The following SPMIP2 variants were observed in gnomAD, a reference collection of about 807,000 sequenced individuals.
SPMIP2 encodes protein SPMIP2.
the SPMIP2 span, among the ~76,000 whole-genome samples, chr4:158,967,533 A>G: frequency 2.0e-5 from 3 of 152,336 alleles, no homozygotes; most frequent in East Asian, 5.8e-4. Flanking sequence ...GACATGCCTA[A>G]TTTTAGAAAA....
At chr4:158,969,054 T>C in the SPMIP2 span, among the ~76,000 whole-genome samples, 1 of 152,190 alleles carries the variant, frequency 6.6e-6, no homozygotes, top group Non-Finnish European at 1.5e-5. Flanking sequence ...ATATTGGTTA[T>C]AATATGATTA....
chr4:158,936,302 G>A, the SPMIP2 span, among the ~76,000 whole-genome samples: 1 of 152,220 alleles, frequency 6.6e-6, no homozygotes, highest in Non-Finnish European at 1.5e-5. Context: ...CGCAGAAACA[G>A]TCATTCACTT....
the SPMIP2 span, among the ~76,000 whole-genome samples, chr4:158,939,474 T>C: frequency 3.3e-5 from 5 of 152,194 alleles, no homozygotes; most frequent in Admixed American, 3.3e-4. Context: ...TTAACATACA[T>C]TTCTCCTAAA....
chr4:159,039,991 G>A, the SPMIP2 span, among the ~76,000 whole-genome samples: 8 of 152,202 alleles, frequency 5.3e-5, no homozygotes, highest in Non-Finnish European at 7.4e-5. Context: ...GATGAACACA[G>A]GTCAGAATGT....
chr4:159,010,070 C>T, the SPMIP2 span, among the ~76,000 whole-genome samples: 5 of 152,282 alleles, frequency 3.3e-5, no homozygotes, highest in East Asian at 9.6e-4. Context: ...AGACCATGGG[C>T]AAAATCCCGG....
At chr4:159,016,913 A>T in the SPMIP2 span, among the ~76,000 whole-genome samples, 1 of 152,218 alleles carries the variant, frequency 6.6e-6, no homozygotes, top group Non-Finnish European at 1.5e-5. Flanking sequence ...TCCAAAGGAC[A>T]GTGAACATAA....
the SPMIP2 span, among the ~76,000 whole-genome samples, chr4:159,015,128 C>G: frequency 6.6e-6 from 1 of 152,224 alleles, no homozygotes; most frequent in African/African-American, 2.4e-5. Flanking sequence ...TTGACTGACT[C>G]TAAACTAGCA....
chr4:158,948,856 G>A, the SPMIP2 span, among the ~76,000 whole-genome samples: 1 of 151,918 alleles, frequency 6.6e-6, no homozygotes, highest in African/African-American at 2.4e-5. Flanking sequence ...CAACTGCCAT[G>A]GCTTCCCAAA....
the SPMIP2 span, among the ~76,000 whole-genome samples, chr4:158,985,572 A>G: frequency 3.3e-5 from 5 of 152,260 alleles, no homozygotes; most frequent in Non-Finnish European, 5.9e-5. Context: ...GGCCTTTGAA[A>G]AAATTCAACA....
chr4:158,996,045 C>T, the SPMIP2 span, among the ~76,000 whole-genome samples: 1 of 152,056 alleles, frequency 6.6e-6, no homozygotes, highest in East Asian at 1.9e-4. Context: ...ATTAGAGACT[C>T]GCACGACGTC....
chr4:159,061,589 C>A, the SPMIP2 span, among the ~76,000 whole-genome samples: 1 of 152,092 alleles, frequency 6.6e-6, no homozygotes, highest in Non-Finnish European at 1.5e-5. Context: ...AGGCGTATCA[C>A]CTGAGGTCAG....
chr4:159,062,073 G>T, the SPMIP2 span, among the ~76,000 whole-genome samples: 9 of 152,206 alleles, frequency 5.9e-5, no homozygotes, highest in African/African-American at 2.2e-4. Flanking sequence ...TGTGTCGGGA[G>T]CTAGACCTCA....
chr4:158,957,312 C>G, the SPMIP2 span, among the ~76,000 whole-genome samples: 7 of 152,212 alleles, frequency 4.6e-5, no homozygotes, highest in Non-Finnish European at 7.3e-5. Flanking sequence ...CATCTCACTA[C>G]TCTCCCCATT....
the SPMIP2 span, among the ~76,000 whole-genome samples, chr4:158,898,242 C>T: frequency 6.6e-6 from 1 of 152,100 alleles, no homozygotes; most frequent in Non-Finnish European, 1.5e-5. Context: ...TTACCGTAGC[C>T]TTGTTGTATA....
chr4:158,979,967 G>A, the SPMIP2 span, among the ~76,000 whole-genome samples: 1 of 152,024 alleles, frequency 6.6e-6, no homozygotes, highest in Non-Finnish European at 1.5e-5. Flanking sequence ...AATTCTTGCT[G>A]TCGGCACGGC....
At chr4:158,968,993 G>A in the SPMIP2 span, among the ~76,000 whole-genome samples, 1 of 152,056 alleles carries the variant, frequency 6.6e-6, no homozygotes, top group Non-Finnish European at 1.5e-5. Flanking sequence ...ATATGTTGAT[G>A]AGTTCCCACG....
chr4:159,055,375 A>G, the SPMIP2 span, among the ~76,000 whole-genome samples: 1 of 152,188 alleles, frequency 6.6e-6, no homozygotes, highest in Non-Finnish European at 1.5e-5. Flanking sequence ...AAGCTTTAGC[A>G]TTTGTAGTCT....
the SPMIP2 span, chr4:158,973,098 C>A: frequency 6.3e-7 from 1 of 1,591,770 alleles, no homozygotes; most frequent in Non-Finnish European, 8.6e-7. Context: ...AAAGCCACTC[C>A]CCAGTCTTGA....
the SPMIP2 span, among the ~76,000 whole-genome samples, chr4:158,923,670 T>C: frequency 3.3e-5 from 5 of 152,198 alleles, no homozygotes; most frequent in African/African-American, 9.6e-5. Flanking sequence ...AGAGATAGTA[T>C]TACTTCTTCT....
Sources: gnomAD v4.1 joint callset for allele counts (sites outside exome capture counted in the v4.1 genomes callset) on GRCh38, gnomAD v4.1.1 for gene constraint, MANE v1.5 for transcripts, NCBI Gene and HGNC (gene_info 2026-07-23, HGNC 2026-07-21) for gene names.